XRCC4: variants seen among roughly 807,000 people sequenced by gnomAD.
XRCC4 encodes the protein X-ray repair cross complementing 4, also known as DNA repair protein XRCC4.
XRCC4 carries 28 observed loss-of-function variants against 39.1 expected under a neutral mutation model. The ratio of observed to expected loss-of-function variants is 0.72; its 90% CI spans 0.53 to 0.98. The LOEUF (loss-of-function observed/expected upper bound fraction) is 0.98. Ranked by LOEUF, XRCC4 falls within the 50% of genes least tolerant of loss-of-function variation. The probability of loss-of-function intolerance (pLI) is 0.00; values close to 1 mark genes in which losing one functional copy is unlikely to be tolerated. For synonymous variants in XRCC4, 123 were observed against 126.4 expected (o/e 0.97, Z 0.18); for missense variants, 350 against 376.4 (o/e 0.93, Z 0.58).
chr5:83,312,845 A>G (rs777441465), intron 7 of XRCC4, among the ~76,000 whole-genome samples: 6 of 152,198 alleles, frequency 3.9e-5, no homozygotes, highest in Non-Finnish European at 7.3e-5. Flanking sequence ...GTTGCTAAGT[A>G]GCCAAGAAGC....
intron 7 of XRCC4, among the ~76,000 whole-genome samples, chr5:83,266,556 A>G (rs751115336): frequency 3.9e-5 from 6 of 151,996 alleles, no homozygotes; most frequent in Admixed American, 6.6e-5. Flanking sequence ...ATAATGATCC[A>G]TTAGTATTAT....
chr5:83,195,494 C>T (rs1220139020), intron 3 of XRCC4, among the ~76,000 whole-genome samples: 1 of 151,996 alleles, frequency 6.6e-6, no homozygotes, highest in East Asian at 1.9e-4. Flanking sequence ...TAAGCTTATA[C>T]AGTATTTATG....
intron 7 of XRCC4, among the ~76,000 whole-genome samples, chr5:83,304,698 A>G (rs1327489576): frequency 6.7e-6 from 1 of 148,462 alleles, no homozygotes; most frequent in Admixed American, 6.9e-5. Flanking sequence ...TTGCTTCTGT[A>G]AAATTTATCT....
rs1197845394 is a variant in XRCC4, at chr5:83,279,115, A to G, written c.893+20438A>G. Among the ~76,000 whole-genome samples the G allele has an allele frequency of 2.0e-5, 3 of 147,724 alleles. No individual in the cohort carries two copies. In the Admixed American group the frequency reaches 2.0e-4, roughly 10 times the overall value. ...ATATATATAATATATATTTATATCT[A>G]TATCAGTTTGAAACACATTATTGAA... On this transcript the variant is annotated intron_variant, in intron 7 of 7. Coordinates refer to ENST00000396027, the MANE Select transcript of XRCC4 (RefSeq NM_003401.5).
chr5:83,130,041 G>T (rs950846384), intron 3 of XRCC4, among the ~76,000 whole-genome samples: 1 of 152,134 alleles, frequency 6.6e-6, no homozygotes, highest in Non-Finnish European at 1.5e-5. Flanking sequence ...TCCCTGTCTT[G>T]TGCCAGTTTT....
intron 3 of XRCC4, among the ~76,000 whole-genome samples, chr5:83,154,508 TA>T (rs1368788119): frequency 2.0e-5 from 3 of 152,156 alleles, no homozygotes; most frequent in African/African-American, 7.2e-5. Context: ...GCATTTCAGA[TA>T]AGGGATATGC....
At chr5:83,200,198 G>C (rs1751126958) in intron 4 of XRCC4, among the ~76,000 whole-genome samples, 1 of 152,098 alleles carries the variant, frequency 6.6e-6, no homozygotes, top group Non-Finnish European at 1.5e-5. Context: ...CTGATTATTG[G>C]ATAAAAGGAT....
At chr5:83,321,048 A>T (rs551639905) in intron 7 of XRCC4, among the ~76,000 whole-genome samples, 2 of 152,174 alleles carry the variant, frequency 1.3e-5, no homozygotes, top group African/African-American at 4.8e-5. Flanking sequence ...TGACCCTGTG[A>T]TCTGCCCGCC....
intron 7 of XRCC4, among the ~76,000 whole-genome samples, chr5:83,328,415 G>A (rs1756335399): frequency 6.6e-6 from 1 of 152,006 alleles, no homozygotes; most frequent in Non-Finnish European, 1.5e-5. Flanking sequence ...AGAATATTTA[G>A]CAAAGTGGCT....
chr5:83,135,343 A>G (rs1747842488), intron 3 of XRCC4, among the ~76,000 whole-genome samples: 1 of 151,176 alleles, frequency 6.6e-6, no homozygotes, highest in Non-Finnish European at 1.5e-5. Flanking sequence ...CTATTCGGCC[A>G]TCTTGGAAAC....
intron 6 of XRCC4, among the ~76,000 whole-genome samples, chr5:83,243,577 G>A (rs1752992284): frequency 6.6e-6 from 1 of 152,150 alleles, no homozygotes; most frequent in African/African-American, 2.4e-5. Context: ...AGGTGTGCTG[G>A]AGATTTAGGA....
intron 7 of XRCC4, among the ~76,000 whole-genome samples, chr5:83,284,999 G>A (rs1401842216): frequency 2.6e-5 from 4 of 152,096 alleles, no homozygotes; most frequent in Admixed American, 1.3e-4. Flanking sequence ...TTAAAAATTA[G>A]GATAGTGAGA....
intron 7 of XRCC4, among the ~76,000 whole-genome samples, chr5:83,304,378 C>G (rs868486201): frequency 7.9e-5 from 12 of 151,956 alleles, no homozygotes; most frequent in East Asian, 1.9e-4. Flanking sequence ...ATTCATCAGA[C>G]TTGAGTTAAC....
intron 7 of XRCC4, among the ~76,000 whole-genome samples, chr5:83,296,482 C>G (rs1473969842): frequency 6.6e-6 from 1 of 152,110 alleles, no homozygotes; most frequent in Non-Finnish European, 1.5e-5. Context: ...TCTGCCATAG[C>G]TGTTCTTATT....
chr5:83,265,917 C>T (rs1753938435), intron 7 of XRCC4, among the ~76,000 whole-genome samples: 1 of 151,916 alleles, frequency 6.6e-6, no homozygotes, highest in Non-Finnish European at 1.5e-5. Flanking sequence ...CTATTACGTA[C>T]ATTTAAATTT....
intron 3 of XRCC4, among the ~76,000 whole-genome samples, chr5:83,142,678 G>GTTT (rs28360074): frequency 6.6e-6 from 1 of 151,564 alleles, no homozygotes; most frequent in African/African-American, 2.4e-5. Context: ...TGAGTCTCCT[G>GTTT]TTTTTTTTGT....
At chr5:83,328,766 A>G (rs1215807070) in intron 7 of XRCC4, among the ~76,000 whole-genome samples, 4 of 152,116 alleles carry the variant, frequency 2.6e-5, no homozygotes, top group Non-Finnish European at 5.9e-5. Context: ...GAATAATAGT[A>G]AAGCAAGATA....
chr5:83,270,424 C>G (rs530087839), intron 7 of XRCC4, among the ~76,000 whole-genome samples: 1 of 152,132 alleles, frequency 6.6e-6, no homozygotes, highest in South Asian at 2.1e-4. Context: ...TCTAAAATAT[C>G]TTAGAATTTA....
chr5:83,187,633 A>G (rs936900317), intron 3 of XRCC4, among the ~76,000 whole-genome samples: 1 of 152,212 alleles, frequency 6.6e-6, no homozygotes, highest in African/African-American at 2.4e-5. Flanking sequence ...ACTGCTGTCC[A>G]TTGGAGAGTA....
Sources: allele counts gnomAD v4.1 joint callset (sites outside exome capture counted in the v4.1 genomes callset), GRCh38; gene constraint gnomAD v4.1.1; transcripts MANE v1.5; gene names NCBI Gene and HGNC (gene_info 2026-07-23, HGNC 2026-07-21).